SRPRA: variants seen among roughly 807,000 people sequenced by gnomAD.
SRPRA encodes SRP receptor subunit alpha.
SRPRA carries 30 observed loss-of-function variants against 61.1 expected under a neutral mutation model. The ratio of observed to expected loss-of-function variants is 0.49; its 90% CI spans 0.37 to 0.67. The LOEUF is 0.67. Ranked by LOEUF, SRPRA falls within the 30% of genes least tolerant of loss-of-function variation. The pLI, the probability that SRPRA is intolerant of heterozygous loss-of-function variation, is 0.00. For synonymous variants in SRPRA, 324 were observed against 299.7 expected, an observed-to-expected ratio of 1.08 and a Z score of -0.84; for missense variants, 759 against 828.4, an observed-to-expected ratio of 0.92 and a Z score of 1.03.
chr11:126,268,559 G>C (rs967341797), intron 1 of SRPRA, 129 bp downstream of exon 1: 1 of 743,250 alleles, frequency 1.3e-6, no homozygotes, highest in Non-Finnish European at 2.3e-6. Flanking sequence ...AGCGGAGTCC[G>C]GGTTACGCGT....
chr11:126,267,897 T>G lies in SRPRA; in HGVS notation c.201+106A>C. 1 of 1,436,382 alleles carries G rather than the reference T, an allele frequency of 7.0e-7. No individual in the cohort carries two copies. Among genetic ancestry groups the G allele is most frequent in the Non-Finnish European group, 9.7e-7 (1 of 1,032,810 alleles). The allele number at this position is 1,436,382 out of a possible 1,614,324, so 89.0% of individuals were successfully genotyped here. ...GTTTTCCCCCATCTACCTTTCTAGT[T>G]TTTTCAGTTACGTCATCATATACAC... On this transcript the variant is annotated intron_variant, in intron 2 of 13. Coordinates refer to ENST00000332118, the MANE Select transcript of SRPRA (RefSeq NM_003139.4). This position sits in a 1 kb window ranked among gnomAD's most constrained non-coding sequence, Gnocchi z 4.2.
In SRPRA at chr11:126,266,833, T is replaced by G. The variant is rs772470844; in HGVS notation, c.616A>C (p.Lys206Gln). Residue 206 changes from lysine (K) to glutamine (Q), a missense_variant, in exon 5 of 14, where the codon AAA becomes CAA. Transcript: ENST00000332118. ...CGCTTCCTGCGGATCAGCTCCTCTT[T>G]GGAAAGTTCTACTCCGTTCTCAGGA... ...VGPENGVELSKEELIRRKREE... is the reference protein window; with the variant it reads ...VGPENGVELSQEELIRRKREE... The G allele has an allele frequency of 1.2e-6, 2 of 1,614,206 alleles. No homozygotes were observed. Among genetic ancestry groups the G allele is most frequent in the Non-Finnish European group, 1.7e-6 (2 of 1,180,046 alleles).
the SRPRA span, among the ~76,000 whole-genome samples, chr11:126,242,081 A>G: frequency 2.6e-5 from 4 of 151,960 alleles, no homozygotes; most frequent in African/African-American, 9.7e-5. Flanking sequence ...TGGAATCTCC[A>G]TACACTTTAT....
Position 126,264,100 on chromosome 11 carries a change from T to C in SRPRA, c.1789-56A>G, listed in dbSNP as rs1479052939. The C allele has an allele frequency of 3.7e-6, 6 of 1,613,340 alleles. No individual in the cohort carries two copies. The highest frequency in any genetic ancestry group is 4.2e-6 in the Non-Finnish European group (5 of 1,179,500). On this transcript the variant is annotated intron_variant, in intron 13 of 13. Coordinates refer to ENST00000332118, the MANE Select transcript of SRPRA (RefSeq NM_003139.4). This position sits in a 1 kb window ranked among gnomAD's most constrained non-coding sequence, Gnocchi z 5.0. ...ACAAGCCCACTTTTCACTCACCCTC[T>C]CAGGAACAGGAAGCGCTGGAGCCAA... is the stretch of plus-strand genomic sequence containing the variant.
the SRPRA span, chr11:126,254,488 A>C: frequency 6.2e-7 from 1 of 1,604,370 alleles, no homozygotes; most frequent in Non-Finnish European, 8.5e-7. Context: ...AAATCTCTCT[A>C]AATATGCCAT....
chr11:126,250,994 C>G, the SRPRA span, among the ~76,000 whole-genome samples: 1 of 152,204 alleles, frequency 6.6e-6, no homozygotes, highest in East Asian at 1.9e-4. The surrounding 1 kb of genome is among the most constrained non-coding windows in gnomAD (Gnocchi z 5.1). Flanking sequence ...GAGGAAGTCA[C>G]TTGAACTGTA....
At chr11:126,245,928 G>A in the SRPRA span, among the ~76,000 whole-genome samples, 103 of 151,070 alleles carry the variant, frequency 6.8e-4, no homozygotes, top group East Asian at 0.018. Context: ...CCCGGGAGGC[G>A]GAGGTTGCAG....
chr11:126,266,972 C>A, intron 4 of SRPRA, 50 bp from the exon 5 acceptor site: 1 of 1,584,616 alleles, frequency 6.3e-7, no homozygotes, highest in Non-Finnish European at 8.6e-7. Context: ...ATCCCAACCA[C>A]TAGACAATGG....
the SRPRA span, among the ~76,000 whole-genome samples, chr11:126,252,599 C>T: frequency 1.2e-4 from 19 of 152,128 alleles, no homozygotes; most frequent in Non-Finnish European, 2.2e-4. The surrounding 1 kb of genome is among the most constrained non-coding windows in gnomAD (Gnocchi z 4.7). Flanking sequence ...AAAAATTAGC[C>T]GGGCATGGTG....
At chr11:126,243,061 G>A in the SRPRA span, among the ~76,000 whole-genome samples, 3 of 152,140 alleles carry the variant, frequency 2.0e-5, 1 homozygote, top group African/African-American at 7.2e-5. Context: ...ACAACAACAT[G>A]GATGAACCTT....
the SRPRA span, among the ~76,000 whole-genome samples, chr11:126,242,243 A>G: frequency 6.6e-6 from 1 of 152,142 alleles, no homozygotes; most frequent in Admixed American, 6.5e-5. Flanking sequence ...AAAAAAAAAT[A>G]TAGATAAACT....
chr11:126,267,543 T>G lies in SRPRA; in HGVS notation c.365+6A>C. The G allele has an allele frequency of 1.9e-6, 3 of 1,613,816 alleles. No individual in the cohort carries two copies. Among genetic ancestry groups the G allele is most frequent in the Non-Finnish European group, 2.5e-6 (3 of 1,179,942 alleles). On this transcript the variant is annotated splice_donor_region_variant and intron_variant, in intron 3 of 13. Coordinates refer to ENST00000332118, the MANE Select transcript of SRPRA (RefSeq NM_003139.4). The surrounding 1 kb of genome is among the most constrained non-coding windows in gnomAD (Gnocchi z 4.2). Reference sequence around the variant, plus strand: ...AAATTGATTTTAGAGAAGGCAGGTCTCTCACCGAAGGAGCCGCAGGAAGTC... The same window carrying G: ...AAATTGATTTTAGAGAAGGCAGGTCGCTCACCGAAGGAGCCGCAGGAAGTC...
chr11:126,267,544 C>G lies in SRPRA; in HGVS notation c.365+5G>C. The G allele has an allele frequency of 1.2e-6, 2 of 1,613,870 alleles. No homozygotes were observed. The highest frequency in any genetic ancestry group is 1.7e-6 in the Non-Finnish European group (2 of 1,179,970). ...AATTGATTTTAGAGAAGGCAGGTCT[C>G]TCACCGAAGGAGCCGCAGGAAGTCA... On this transcript the variant is annotated splice_donor_5th_base_variant and intron_variant, in intron 3 of 13. Coordinates refer to ENST00000332118, the MANE Select transcript of SRPRA (RefSeq NM_003139.4). The surrounding 1 kb of genome is among the most constrained non-coding windows in gnomAD (Gnocchi z 4.2).
chr11:126,239,090 C>T, the SRPRA span, among the ~76,000 whole-genome samples: 1 of 150,936 alleles, frequency 6.6e-6, no homozygotes, highest in African/African-American at 2.4e-5. Flanking sequence ...CTCCCGTGAA[C>T]TTAGCCTCCC....
At chr11:126,268,195 A>G in intron 1 of SRPRA, 109 bp from the exon 2 acceptor site, 2 of 894,814 alleles carry the variant, frequency 2.2e-6, no homozygotes, top group South Asian at 3.0e-5. Context: ...CCCAAACTCA[A>G]ATCTGTCCCC....
chr11:126,241,096 A>G, the SRPRA span: 8 of 1,502,894 alleles, frequency 5.3e-6, no homozygotes, highest in East Asian at 1.6e-4. Flanking sequence ...AAATTTAACT[A>G]TCACAACTAG....
At chr11:126,242,024 CAAAA>C in the SRPRA span, among the ~76,000 whole-genome samples, 4 of 88,414 alleles carry the variant, frequency 4.5e-5, no homozygotes, top group Non-Finnish European at 4.5e-5. Context: ...GACTCCGTCT[CAAAA>C]AAAAAAAAAA....
chr11:126,240,692 A>G, the SRPRA span: 707 of 1,276,768 alleles, frequency 5.5e-4, 4 homozygotes, highest in African/African-American at 9.2e-3. Context: ...CTTTGCAACT[A>G]TAAAAGTTAG....
In SRPRA at chr11:126,265,465, G is replaced by A; in HGVS notation, c.1139-25C>T. On this transcript the variant is annotated intron_variant, in intron 9 of 13. Coordinates refer to ENST00000332118, the MANE Select transcript of SRPRA (RefSeq NM_003139.4). This position sits in a 1 kb window ranked among gnomAD's most constrained non-coding sequence, Gnocchi z 6.3. ...GCTGAAAGGGGAGGTGGAGGAGGTTGCAGCTGTGAAACTCAAGGAATGCTC... is the reference window on the plus strand; with the variant it reads ...GCTGAAAGGGGAGGTGGAGGAGGTTACAGCTGTGAAACTCAAGGAATGCTC... 6.2e-7 allele frequency: 1 copy of A among 1,600,032 alleles called. No individual in the cohort carries two copies. The highest frequency in any genetic ancestry group is 8.5e-7 in the Non-Finnish European group (1 of 1,172,772).
Sources: allele counts gnomAD v4.1 joint callset (sites outside exome capture counted in the v4.1 genomes callset), GRCh38; gene constraint gnomAD v4.1.1; non-coding constraint Gnocchi (gnomAD v3.1); transcripts MANE v1.5; gene names NCBI Gene and HGNC (gene_info 2026-07-23, HGNC 2026-07-21).